JAZF1: variants seen among roughly 807,000 people sequenced by gnomAD.
JAZF1 encodes the protein JAZF zinc finger 1, also known as juxtaposed with another zinc finger protein 1.
Under a neutral mutation model 26.4 loss-of-function variants are expected in JAZF1, and 8 were observed. That is an observed-to-expected ratio of 0.30 (90% CI 0.18 to 0.55). JAZF1 has a LOEUF of 0.55. JAZF1 is among the 20% of genes least tolerant of loss of function. JAZF1 has a pLI of 0.94. For missense variants in JAZF1, 199 were observed against 322.0 expected (o/e 0.62, Z 2.92); for synonymous variants, 126 against 122.3 (o/e 1.03, Z -0.20).
At chr7:28,117,076 G>C (rs1337362346) in intron 1 of JAZF1, among the ~76,000 whole-genome samples, 1 of 152,060 alleles carries the variant, frequency 6.6e-6, no homozygotes, top group East Asian at 1.9e-4. Flanking sequence ...CACCCGCCTT[G>C]GCCTTCAATG....
intron 1 of JAZF1, among the ~76,000 whole-genome samples, chr7:28,116,390 T>C (rs1272723307): frequency 6.6e-6 from 1 of 152,230 alleles, no homozygotes; most frequent in Non-Finnish European, 1.5e-5. Flanking sequence ...GTGATTCTCT[T>C]ATTATGTGTA....
At chr7:27,836,294 G>A (rs1782811685) in intron 4 of JAZF1, among the ~76,000 whole-genome samples, 1 of 127,034 alleles carries the variant, frequency 7.9e-6, no homozygotes. Flanking sequence ...AAGGTAGGAG[G>A]TAGAAAGGAG....
intron 1 of JAZF1, among the ~76,000 whole-genome samples, chr7:28,121,149 G>A (rs1308113532): frequency 2.1e-5 from 3 of 141,108 alleles, no homozygotes; most frequent in African/African-American, 2.7e-5. Context: ...GCAGTGAGCC[G>A]AGATCGCACT....
chr7:28,016,343 G>GA (rs1487471211), intron 1 of JAZF1, among the ~76,000 whole-genome samples: 2 of 152,216 alleles, frequency 1.3e-5, no homozygotes, highest in African/African-American at 4.8e-5. Context: ...GGATTCAGAG[G>GA]AAAGAGAGCT....
At chr7:27,946,498 T>C (rs1784926026) in intron 2 of JAZF1, among the ~76,000 whole-genome samples, 1 of 152,182 alleles carries the variant, frequency 6.6e-6, no homozygotes. Context: ...AGAGTCTCCA[T>C]GATTCCCCCA....
intron 1 of JAZF1, among the ~76,000 whole-genome samples, chr7:28,136,614 C>T (rs1007203662): frequency 6.6e-6 from 1 of 152,344 alleles, no homozygotes; most frequent in African/African-American, 2.4e-5. Context: ...TTTTAGTGAG[C>T]ACCCACTATA....
Position 28,016,828 on chromosome 7 carries a change from C to T in JAZF1, c.116-24847G>A, listed in dbSNP as rs186531464. Reference sequence around the variant, plus strand: ...ATTCTTTCATTCAACCAATATTTATCGAAGACCTACTATGTGCCAGGTACT... The same window carrying T: ...ATTCTTTCATTCAACCAATATTTATTGAAGACCTACTATGTGCCAGGTACT... On this transcript the variant is annotated intron_variant, in intron 1 of 4. Coordinates refer to ENST00000283928, the MANE Select transcript of JAZF1 (RefSeq NM_175061.4). 1.6e-3 allele frequency among the ~76,000 whole-genome samples: 251 copies of T among 152,226 alleles called. 2 individuals carry two copies. Among genetic ancestry groups the T allele is most frequent in the Admixed American group, 0.015 (228 of 15,294 alleles).
intron 3 of JAZF1, among the ~76,000 whole-genome samples, chr7:27,872,769 G>C (rs1314711202): frequency 6.6e-6 from 1 of 152,030 alleles, no homozygotes; most frequent in Admixed American, 6.5e-5. Context: ...ATTGTCTTTG[G>C]GGCTTTCTTC....
intron 1 of JAZF1, among the ~76,000 whole-genome samples, chr7:28,156,670 G>A (rs939844116): frequency 6.6e-6 from 1 of 152,142 alleles, no homozygotes; most frequent in Non-Finnish European, 1.5e-5. Flanking sequence ...TTCTGATTTC[G>A]TAGGTGTGGG....
chr7:28,174,249 T>C (rs774493342), intron 1 of JAZF1, among the ~76,000 whole-genome samples: 1 of 152,116 alleles, frequency 6.6e-6, no homozygotes, highest in Non-Finnish European at 1.5e-5. Flanking sequence ...ATGTGGGGTA[T>C]GTATGATTGT....
At chr7:27,899,389 G>T (rs1295493185) in intron 2 of JAZF1, among the ~76,000 whole-genome samples, 1 of 152,250 alleles carries the variant, frequency 6.6e-6, no homozygotes, top group African/African-American at 2.4e-5. Flanking sequence ...TCCTCAATGA[G>T]TCTGGACACC....
intron 1 of JAZF1, among the ~76,000 whole-genome samples, chr7:28,010,878 G>C (rs898438203): frequency 4.6e-5 from 7 of 152,330 alleles, no homozygotes; most frequent in Admixed American, 4.6e-4. Context: ...TCTAACAAGA[G>C]TGTCTACAGA....
At chr7:27,935,253 G>A (rs1469738754) in intron 2 of JAZF1, among the ~76,000 whole-genome samples, 1 of 152,234 alleles carries the variant, frequency 6.6e-6, no homozygotes, top group Non-Finnish European at 1.5e-5. Context: ...TGGTGGGAAT[G>A]TTAAACGGTG....
chr7:27,884,856 T>C (rs1422906896), intron 3 of JAZF1, among the ~76,000 whole-genome samples: 1 of 152,190 alleles, frequency 6.6e-6, no homozygotes, highest in African/African-American at 2.4e-5. Context: ...CTTTGGTAAA[T>C]ACCTAGAGTG....
chr7:27,860,826 G>A (rs1032650269), intron 3 of JAZF1, among the ~76,000 whole-genome samples: 2 of 151,980 alleles, frequency 1.3e-5, no homozygotes, highest in African/African-American at 4.8e-5. Context: ...TAAGCCCCCA[G>A]GTATTCTGGT....
At chr7:28,145,847 T>C (rs1251848232) in intron 1 of JAZF1, among the ~76,000 whole-genome samples, 1 of 152,216 alleles carries the variant, frequency 6.6e-6, no homozygotes, top group African/African-American at 2.4e-5. Context: ...TCTTGCCTTT[T>C]CTAGAATTTC....
chr7:28,000,633 T>TC (rs1786134703), intron 1 of JAZF1, among the ~76,000 whole-genome samples: 1 of 142,330 alleles, frequency 7.0e-6, no homozygotes, highest in African/African-American at 2.6e-5. Context: ...TTTTTTTTTT[T>TC]TTTTTTTGAG....
intron 1 of JAZF1, among the ~76,000 whole-genome samples, chr7:28,121,529 C>T (rs554868065): frequency 2.0e-5 from 3 of 152,182 alleles, no homozygotes; most frequent in Non-Finnish European, 2.9e-5. Context: ...CTCCACTATT[C>T]GTATGACACT....
intron 2 of JAZF1, among the ~76,000 whole-genome samples, chr7:27,910,037 G>A (rs960265482): frequency 1.3e-5 from 2 of 152,226 alleles, no homozygotes; most frequent in Non-Finnish European, 2.9e-5. Context: ...GCTTGCAAAG[G>A]AGGAGCACTG....
Sources: allele counts gnomAD v4.1 joint callset (sites outside exome capture counted in the v4.1 genomes callset), GRCh38; gene constraint gnomAD v4.1.1; transcripts MANE v1.5; gene names NCBI Gene and HGNC (gene_info 2026-07-23, HGNC 2026-07-21).